Variants in LPP observed in about 807,000 individuals in gnomAD.
LPP encodes lipoma-preferred partner.
LPP carries 38 observed loss-of-function variants against 60.4 expected under a neutral mutation model. The observed-to-expected ratio is 0.63, with a 90% CI of 0.49 to 0.83. The LOEUF is 0.83. Ranked by LOEUF, LPP falls within the 40% of genes least tolerant of loss-of-function variation. The pLI, the probability that LPP is intolerant of heterozygous loss-of-function variation, is 0.00. For synonymous variants in LPP, 328 were observed against 290.8 expected, an observed-to-expected ratio of 1.13 and a Z score of -1.30; for missense variants, 902 against 783.6, an observed-to-expected ratio of 1.15 and a Z score of -1.80.
intron 6 of LPP, among the ~76,000 whole-genome samples, chr3:188,571,503 T>C (rs1309828746): frequency 6.6e-6 from 1 of 152,078 alleles, no homozygotes; most frequent in African/African-American, 2.4e-5. Flanking sequence ...GCCAATTTCC[T>C]TTTGGTTTGC....
At chr3:188,861,296 A>G (rs796803172) in intron 9 of LPP, among the ~76,000 whole-genome samples, 14 of 152,258 alleles carry the variant, frequency 9.2e-5, no homozygotes, top group African/African-American at 3.1e-4. Context: ...GACCTAAACT[A>G]TCTAGATCAT....
chr3:188,863,718 A>G (rs1765838519), intron 9 of LPP, among the ~76,000 whole-genome samples: 1 of 152,192 alleles, frequency 6.6e-6, no homozygotes, highest in Non-Finnish European at 1.5e-5. Flanking sequence ...GCATTTTGCA[A>G]TAGGCTGATT....
At chr3:188,262,982 C>CA in intron 2 of LPP, among the ~76,000 whole-genome samples, 1 of 151,988 alleles carries the variant, frequency 6.6e-6, no homozygotes, top group Non-Finnish European at 1.5e-5. Context: ...CCAAAGAGTG[C>CA]AGTTTTTTTT....
intron 2 of LPP, among the ~76,000 whole-genome samples, chr3:188,313,140 GAA>G (rs11339804): frequency 2.0e-5 from 3 of 149,422 alleles, no homozygotes; most frequent in African/African-American, 4.9e-5. Flanking sequence ...TTAAAAAAAA[GAA>G]AAAAAAAAGA....
chr3:188,155,872 G>A (rs1334437549), intron 1 of LPP, among the ~76,000 whole-genome samples: 1 of 152,124 alleles, frequency 6.6e-6, no homozygotes, highest in Non-Finnish European at 1.5e-5. Flanking sequence ...AAAATTAGCT[G>A]GGTGTGGTGG....
chr3:188,288,133 A>G (rs1349129941), intron 2 of LPP, among the ~76,000 whole-genome samples: 1 of 152,222 alleles, frequency 6.6e-6, no homozygotes, highest in Non-Finnish European at 1.5e-5. Flanking sequence ...AAGTGGGAGA[A>G]AGATTTGGCT....
rs1414615711 is a variant in LPP at position 188,882,989 on chromosome 3, A to T, written c.*8510A>T. 5.2e-6 allele frequency: 1 copy of T among 191,026 alleles called. No individual in the cohort carries two copies. The highest frequency in any genetic ancestry group is 2.3e-5 in the African/African-American group (1 of 42,882). The allele number at this position is 191,026 out of a possible 1,614,324, so 11.8% of individuals were successfully genotyped here. ...GTGATCCGCCCGCCTCGGCCTCCCAAAGTGCCAATTCTGACTCTACTTAAA... is the reference window on the plus strand; with the variant it reads ...GTGATCCGCCCGCCTCGGCCTCCCATAGTGCCAATTCTGACTCTACTTAAA... On this transcript the variant is annotated 3_prime_UTR_variant, in exon 12 of 12. Coordinates refer to ENST00000617246, the MANE Select transcript of LPP (RefSeq NM_001375462.1).
At chr3:188,562,767 T>C (rs943570460) in intron 6 of LPP, among the ~76,000 whole-genome samples, 7 of 152,062 alleles carry the variant, frequency 4.6e-5, no homozygotes, top group African/African-American at 1.2e-4. Context: ...GACAGCAGTA[T>C]GTGACAGATA....
chr3:188,433,707 G>A (rs1791594180), intron 4 of LPP, among the ~76,000 whole-genome samples: 1 of 148,704 alleles, frequency 6.7e-6, no homozygotes, highest in Non-Finnish European at 1.5e-5. Context: ...AGAGATGATG[G>A]AGAAGAGAGG....
intron 2 of LPP, among the ~76,000 whole-genome samples, chr3:188,302,040 T>TA (rs527582843): frequency 9.2e-5 from 14 of 151,540 alleles, no homozygotes; most frequent in Non-Finnish European, 1.5e-4. Flanking sequence ...AGAGACAACA[T>TA]AATGAAGGTA....
At chr3:188,190,469 C>T (rs976080028) in intron 1 of LPP, among the ~76,000 whole-genome samples, 1 of 152,136 alleles carries the variant, frequency 6.6e-6, no homozygotes, top group African/African-American at 2.4e-5. Context: ...GGTCTGACTC[C>T]ATGTCGCCTC....
At chr3:188,246,377 A>G (rs552559603) in intron 2 of LPP, among the ~76,000 whole-genome samples, 181 of 152,224 alleles carry the variant, frequency 1.2e-3, no homozygotes, top group Non-Finnish European at 2.3e-3. Flanking sequence ...AATTTATCTC[A>G]CTAATTTGTT....
At chr3:188,731,517 T>TTTTGTTTTG (rs1167223050) in intron 8 of LPP, among the ~76,000 whole-genome samples, 13 of 9,324 alleles carry the variant, frequency 1.4e-3, no homozygotes, top group African/African-American at 8.1e-3. Context: ...TTTTTGTTTT[T>TTTTGTTTTG]TTTGTTTTGT....
At chr3:188,623,258 C>CTTTT (rs112468971) in intron 7 of LPP, among the ~76,000 whole-genome samples, 4 of 135,970 alleles carry the variant, frequency 2.9e-5, no homozygotes, top group South Asian at 2.4e-4. Flanking sequence ...TATGAAGATA[C>CTTTT]TTTTTTTTTT....
intron 7 of LPP, among the ~76,000 whole-genome samples, chr3:188,693,758 G>C (rs1862614279): frequency 6.6e-6 from 1 of 152,060 alleles, no homozygotes; most frequent in Non-Finnish European, 1.5e-5. Flanking sequence ...CTTCCATCTT[G>C]GGATCTCAGA....
At chr3:188,405,122 G>A (rs79702533) in intron 3 of LPP, among the ~76,000 whole-genome samples, 8,413 of 152,226 alleles carry the variant, frequency 0.055, 345 homozygotes, top group African/African-American at 0.12. Context: ...GTTGTGCGGG[G>A]CTGACCTTTG....
rs1404382503 is a variant in LPP at position 188,876,372 on chromosome 3, CA to C, written c.*1897del. The stretch of plus-strand genomic sequence containing the variant: ...CTAAACGGTTTTGTGTTAGAACCAC[CA>C]AAATTATAGCTTTTAAGAGCTTCCT... On this transcript the variant is annotated 3_prime_UTR_variant, in exon 12 of 12. Transcript: ENST00000617246. 5 of 192,002 alleles carry C rather than the reference CA, an allele frequency of 2.6e-5. No individual in the cohort carries two copies. Among genetic ancestry groups the C allele is most frequent in the African/African-American group, 9.3e-5 (4 of 43,000 alleles). The allele number at this position is 192,002 out of a possible 1,614,324, so 11.9% of individuals were successfully genotyped here.
chr3:188,254,055 G>A (rs1730831698), intron 2 of LPP, among the ~76,000 whole-genome samples: 1 of 152,104 alleles, frequency 6.6e-6, no homozygotes, highest in Admixed American at 6.5e-5. Flanking sequence ...TTGCTTCCAG[G>A]TTCTTGCTCA....
At chr3:188,473,244 C>T (rs887578728) in intron 4 of LPP, among the ~76,000 whole-genome samples, 8 of 152,168 alleles carry the variant, frequency 5.3e-5, no homozygotes, top group South Asian at 2.1e-4. Context: ...TACATAACCA[C>T]GGTAGAGTTA....
Sources: gnomAD v4.1 joint callset for allele counts (sites outside exome capture counted in the v4.1 genomes callset) on GRCh38, gnomAD v4.1.1 for gene constraint, MANE v1.5 for transcripts, NCBI Gene and HGNC (gene_info 2026-07-23, HGNC 2026-07-21) for gene names.